The following RGS3 variants were observed in gnomAD, a reference collection of about 807,000 sequenced individuals.
The protein encoded by RGS3 is regulator of G protein signaling 3, also known as regulator of G-protein signalling 3.
RGS3 carries 80 observed loss-of-function variants against 132.6 expected under a neutral mutation model. The observed-to-expected ratio is 0.60, with a 90% CI of 0.50 to 0.73. The LOEUF (loss-of-function observed/expected upper bound fraction) is 0.73. Ranked by LOEUF, RGS3 falls within the 30% of genes least tolerant of loss-of-function variation. RGS3 has a pLI of 0.00. For synonymous variants in RGS3, 598 were observed against 620.6 expected (o/e 0.96, Z 0.54); for missense variants, 1,382 against 1,530.8 (o/e 0.90, Z 1.62).
chr9:113,445,712 C>G (rs553286525), intron 1 of RGS3, among the ~76,000 whole-genome samples: 71 of 152,256 alleles, frequency 4.7e-4, no homozygotes, highest in African/African-American at 1.6e-3. Flanking sequence ...AGACTCTCCC[C>G]CTGTTGCCCA....
At chr9:113,517,976 T>G (rs1296084017) in intron 16 of RGS3, among the ~76,000 whole-genome samples, 2 of 152,114 alleles carry the variant, frequency 1.3e-5, no homozygotes, top group East Asian at 3.8e-4. Flanking sequence ...TTAGCCAAAG[T>G]GAATTTTTAG....
At chr9:113,456,774 A>C (rs776565456), upstream of RGS3, among the ~76,000 whole-genome samples, 29 of 152,022 alleles carry the variant, frequency 1.9e-4, no homozygotes, top group Non-Finnish European at 3.5e-4. Flanking sequence ...CAATCTCCTT[A>C]TAATAAAATA....
rs193039485 is a variant in RGS3, at chr9:113,572,793, C to T, written c.2038-10657C>T. The stretch of plus-strand genomic sequence containing the variant: ...GTGAGGGGAGTGATTTGGCCCAGGC[C>T]ATGCAGTGAGCCAGACTGACCCAGC... On this transcript the variant is annotated intron_variant, in intron 19 of 24. Transcript: ENST00000350696. 2.2e-3 allele frequency among the ~76,000 whole-genome samples: 332 copies of T among 152,364 alleles called. 2 individuals carry two copies. The highest frequency in any genetic ancestry group is 0.012 in the East Asian group (61 of 5,184).
At chr9:113,466,201 G>A (rs772854569) in intron 3 of RGS3, among the ~76,000 whole-genome samples, 12 of 152,136 alleles carry the variant, frequency 7.9e-5, no homozygotes, top group Non-Finnish European at 1.3e-4. Context: ...GTAGCAATTG[G>A]GACCACTTTT....
intron 1 of RGS3, chr9:113,461,639 C>A: frequency 6.8e-7 from 1 of 1,478,584 alleles, no homozygotes; most frequent in Non-Finnish European, 9.2e-7. Flanking sequence ...ACCTACAAAG[C>A]AGTAGAATCT....
At position 113,565,261 on chromosome 9, in the gene RGS3, CATCTCGG is replaced by C; in HGVS notation, c.2038-18186_2038-18180del. 1 of 1,289,016 alleles carries C rather than the reference CATCTCGG, an allele frequency of 7.8e-7. No homozygotes were observed. Among genetic ancestry groups the C allele is most frequent in the Non-Finnish European group, 1.0e-6 (1 of 988,358 alleles). 79.8% of individuals were successfully genotyped at this position (1,289,016 alleles called of 1,614,324 possible). On this transcript the variant is annotated intron_variant, in intron 19 of 24. Transcript: ENST00000350696. This position sits in a 1 kb window ranked among gnomAD's most constrained non-coding sequence, Gnocchi z 5.7. ...CTCTTCTTTGAGACATCCCGGACTC[CATCTCGG>C]ATGAAAGTGCTTTGAGAAACCACAG... is the stretch of plus-strand genomic sequence containing the variant.
At chr9:113,536,740 C>G (rs1427020510) in intron 18 of RGS3, 56 bp from the exon 17 acceptor site, 2 of 1,590,016 alleles carry the variant, frequency 1.3e-6, no homozygotes, top group Non-Finnish European at 1.7e-6. Flanking sequence ...GCCTGGGAGC[C>G]CCCTGAACCA....
In RGS3 at chr9:113,498,081, G is replaced by A. The variant is rs1428391649; in HGVS notation, c.897+1G>A. 6.2e-7 allele frequency: 1 copy of A among 1,613,958 alleles called. No homozygotes were observed. Among genetic ancestry groups the A allele is most frequent in the Non-Finnish European group, 8.5e-7 (1 of 1,179,862 alleles). Reference sequence around the variant, plus strand: ...CACTGAGAATGGGAAGAAACTAAAGGTAGGTGGGGACAAGCTAGGGCATTG... The same window carrying A: ...CACTGAGAATGGGAAGAAACTAAAGATAGGTGGGGACAAGCTAGGGCATTG... On this transcript the variant is annotated splice_donor_variant, in intron 10 of 24. Coordinates refer to ENST00000350696, the Ensembl canonical transcript of RGS3. LOFTEE classifies it high-confidence loss of function.
chr9:113,463,585 C>A lies in RGS3; in HGVS notation c.415+1384C>A, dbSNP rs1829525749. ...TGCTCAGCGCGGGTCGGCGGCGCCG[C>A]CTCCCCCACCCCGGCCCAGCTCTGC... On this transcript the variant is annotated intron_variant, in intron 3 of 24. Coordinates refer to ENST00000350696, the Ensembl canonical transcript of RGS3. The surrounding 1 kb of genome is among the most constrained non-coding windows in gnomAD (Gnocchi z 4.6). 1 of 852,206 alleles carries A rather than the reference C, an allele frequency of 1.2e-6. No homozygotes were observed. Among genetic ancestry groups the A allele is most frequent in the Non-Finnish European group, 1.6e-6 (1 of 629,368 alleles). The allele number at this position is 852,206 out of a possible 1,614,324, so 52.8% of individuals were successfully genotyped here.
intron 19 of RGS3, among the ~76,000 whole-genome samples, chr9:113,577,984 G>A (rs555228217): frequency 6.6e-6 from 1 of 152,356 alleles, no homozygotes; most frequent in African/African-American, 2.4e-5. Context: ...TCTGGATGCA[G>A]AACTATTCCA....
intron 7 of RGS3, among the ~76,000 whole-genome samples, chr9:113,490,750 T>C (rs1830484271): frequency 7.2e-6 from 1 of 139,138 alleles, no homozygotes; most frequent in African/African-American, 2.7e-5. Flanking sequence ...ATAATTATAT[T>C]GGTATATATA....
At chr9:113,587,663 G>T (rs1835187974) in intron 20 of RGS3, among the ~76,000 whole-genome samples, 1 of 152,190 alleles carries the variant, frequency 6.6e-6, no homozygotes. Flanking sequence ...GTTGTCTCCG[G>T]TCCACACCCC....
At chr9:113,555,352 C>T (rs1264963741) in intron 19 of RGS3, among the ~76,000 whole-genome samples, 1 of 152,170 alleles carries the variant, frequency 6.6e-6, no homozygotes, top group Non-Finnish European at 1.5e-5. Context: ...TCCATAGTAG[C>T]CTGTCCTCGT....
intron 19 of RGS3, among the ~76,000 whole-genome samples, chr9:113,551,728 A>G (rs1335122137): frequency 1.3e-5 from 2 of 152,126 alleles, no homozygotes; most frequent in Non-Finnish European, 1.5e-5. Flanking sequence ...GTGTGGTGGC[A>G]GGCACTTGTA....
intron 21 of RGS3, chr9:113,594,170 C>A (rs1202960049): frequency 6.2e-7 from 1 of 1,613,086 alleles, no homozygotes; most frequent in African/African-American, 1.3e-5. Context: ...GTGGCTGCAG[C>A]CTGCACCGTT....
At chr9:113,474,151 C>T (rs766034753) in intron 3 of RGS3, among the ~76,000 whole-genome samples, 2 of 152,048 alleles carry the variant, frequency 1.3e-5, no homozygotes, top group African/African-American at 2.4e-5. Context: ...TTATGCTGGC[C>T]GGAGCAATCT....
chr9:113,583,552 C>T lies in RGS3; in HGVS notation c.2140C>T (p.Gln714Ter), dbSNP rs1834932983. 1 of 1,614,198 alleles carries T rather than the reference C, an allele frequency of 6.2e-7. No individual in the cohort carries two copies. Among genetic ancestry groups the T allele is most frequent in the South Asian group, 1.1e-5 (1 of 91,088 alleles). The change falls in exon 20 of 25, where the codon CAG (glutamine) becomes TAG (stop). Residue 714 changes from glutamine (Q) to a stop codon, truncating the protein, a stop_gained. Transcript: ENST00000350696. LOFTEE classifies it high-confidence loss of function. ...ACCCAGCAAGGAGCCCTCTCCTGGC[C>T]AGGAGCTTCCTCCAGGACAAGACCT...
chr9:113,463,678 T>G lies in RGS3; in HGVS notation c.415+1477T>G. The G allele has an allele frequency of 5.5e-6, 7 of 1,274,998 alleles. No homozygotes were observed. Among genetic ancestry groups the G allele is most frequent in the East Asian group, 4.4e-5 (1 of 22,712 alleles). 79.0% of individuals were successfully genotyped at this position (1,274,998 alleles called of 1,614,324 possible). On this transcript the variant is annotated intron_variant, in intron 3 of 24. Coordinates refer to ENST00000350696, the Ensembl canonical transcript of RGS3. This position sits in a 1 kb window ranked among gnomAD's most constrained non-coding sequence, Gnocchi z 4.6. Reference sequence around the variant, plus strand: ...ATCAGGGCCGGGCGCGCCCTGGCCGTTCCAACGCTTGGGGCAGCCCTACCT... The same window carrying G: ...ATCAGGGCCGGGCGCGCCCTGGCCGGTCCAACGCTTGGGGCAGCCCTACCT...
chr9:113,497,441 C>T (rs1217587397), intron 9 of RGS3, 37 bp downstream of exon 7: 5 of 1,536,708 alleles, frequency 3.3e-6, no homozygotes, highest in South Asian at 2.3e-5. Flanking sequence ...CTTCCCAGGA[C>T]CTGCCCCCTC....
Sources: gnomAD v4.1 joint callset for allele counts (sites outside exome capture counted in the v4.1 genomes callset) on GRCh38, gnomAD v4.1.1 for gene constraint, Gnocchi (gnomAD v3.1) non-coding constraint, MANE v1.5 for transcripts, NCBI Gene and HGNC (gene_info 2026-07-23, HGNC 2026-07-21) for gene names.